FERMT2: variants seen among roughly 807,000 people sequenced by gnomAD.
FERMT2 encodes the protein FERM domain containing kindlin 2.
FERMT2 carries 15 observed loss-of-function variants against 82.7 expected under a neutral mutation model. The observed-to-expected ratio is 0.18, with a 90% CI of 0.12 to 0.28. FERMT2 has a LOEUF of 0.28. Among genes scored for constraint, FERMT2 ranks in the 10% least tolerant of loss-of-function variants. The pLI, the probability that FERMT2 is intolerant of heterozygous loss-of-function variation, is 1.00. For missense variants in FERMT2, 645 were observed against 809.4 expected (o/e 0.80, Z 2.46); for synonymous variants, 274 against 271.5 (o/e 1.01, Z -0.09).
Position 52,940,337 on chromosome 14 carries a change from G to T in FERMT2, c.157+10075C>A, listed in dbSNP as rs549448745. On this transcript the variant is annotated intron_variant, in intron 2 of 14. Coordinates refer to ENST00000341590, the MANE Select transcript of FERMT2 (RefSeq NM_006832.3). ...GCTTATCTCTTTTTCTCATATACACGAATTCACTTCCAAGCAGCATTAATG... is the reference window on the plus strand; with the variant it reads ...GCTTATCTCTTTTTCTCATATACACTAATTCACTTCCAAGCAGCATTAATG... 5.9e-5 allele frequency among the ~76,000 whole-genome samples: 9 copies of T among 152,138 alleles called. No homozygotes were observed. The East Asian group carries it at 1.5e-3, about 26-fold the overall frequency.
intron 7 of FERMT2, among the ~76,000 whole-genome samples, chr14:52,876,391 G>A (rs961452079): frequency 1.3e-5 from 2 of 152,184 alleles, no homozygotes; most frequent in Non-Finnish European, 2.9e-5. Flanking sequence ...AGAGTCTGGT[G>A]AAGAATTGGT....
intron 6 of FERMT2, among the ~76,000 whole-genome samples, chr14:52,880,401 T>A (rs931643573): frequency 6.6e-6 from 1 of 152,092 alleles, no homozygotes; most frequent in African/African-American, 2.4e-5. Flanking sequence ...TTGCCAATTC[T>A]TTTTTTTGTT....
chr14:52,890,122 A>G (rs942692308), intron 4 of FERMT2, among the ~76,000 whole-genome samples: 3 of 150,462 alleles, frequency 2.0e-5, no homozygotes, highest in African/African-American at 7.3e-5. Context: ...TGTGTCTCAA[A>G]AAAAAAAAAA....
At chr14:52,913,892 G>A (rs1299570112) in intron 3 of FERMT2, among the ~76,000 whole-genome samples, 2 of 152,110 alleles carry the variant, frequency 1.3e-5, no homozygotes, top group Non-Finnish European at 2.9e-5. Context: ...CAGGATGCCA[G>A]TGAAGATAGG....
At chr14:52,922,932 G>A (rs1889043788) in intron 2 of FERMT2, among the ~76,000 whole-genome samples, 1 of 152,130 alleles carries the variant, frequency 6.6e-6, no homozygotes, top group South Asian at 2.1e-4. Flanking sequence ...ACATCAACGA[G>A]CGTATTCACA....
chr14:52,877,041 A>T (rs913031315), intron 7 of FERMT2, among the ~76,000 whole-genome samples: 115 of 152,280 alleles, frequency 7.6e-4, no homozygotes, highest in African/African-American at 2.6e-3. Context: ...AATGCCCAAG[A>T]TACACTCGGG....
intron 10 of FERMT2, among the ~76,000 whole-genome samples, chr14:52,869,207 G>A (rs1273629198): frequency 6.6e-6 from 1 of 152,152 alleles, no homozygotes; most frequent in Non-Finnish European, 1.5e-5. Context: ...TGAAACGCCC[G>A]TGACTGAGAG....
chr14:52,912,059 A>G (rs1888345272), intron 3 of FERMT2, among the ~76,000 whole-genome samples: 1 of 149,796 alleles, frequency 6.7e-6, no homozygotes. Context: ...GCTATCAGAT[A>G]CCCCCCTTCC....
At chr14:52,927,601 A>AAAAAAAAAAAAAAAAAAAAAAAC in intron 2 of FERMT2, among the ~76,000 whole-genome samples, 1 of 145,962 alleles carries the variant, frequency 6.9e-6, no homozygotes, top group African/African-American at 2.5e-5. Flanking sequence ...ATAAAAAAAA[A>AAAAAAAAAAAAAAAAAAAAAAAC]AAAAAAAAAA....
At position 52,893,341 on chromosome 14, in the gene FERMT2, C is replaced by A; in HGVS notation, c.478G>T (p.Glu160Ter). ...KKKKKLDDQS[E>*]DEALELEGPL... ...CCCTCTAATTCAAGTGCCTCATCTT[C>A]AGACTGGTCATCTAGCTTCTTCTTT... Residue 160 changes from glutamate (E) to a stop codon, truncating the protein, a stop_gained, in exon 4 of 15, where the codon GAA becomes TAA. Coordinates refer to ENST00000341590, the MANE Select transcript of FERMT2 (RefSeq NM_006832.3). LOFTEE classifies it high-confidence loss of function. The A allele has an allele frequency of 6.2e-7, 1 of 1,613,054 alleles. No individual in the cohort carries two copies. Among genetic ancestry groups the A allele is most frequent in the Non-Finnish European group, 8.5e-7 (1 of 1,179,682 alleles).
At chr14:52,939,281 T>C (rs117871215) in intron 2 of FERMT2, among the ~76,000 whole-genome samples, 1,697 of 145,478 alleles carry the variant, frequency 0.012, 47 homozygotes, top group East Asian at 0.075. Context: ...GCTGGGGCAC[T>C]AGAATCGCTT....
At chr14:52,942,238 A>T (rs75265722) in intron 2 of FERMT2, among the ~76,000 whole-genome samples, 6,001 of 151,954 alleles carry the variant, frequency 0.039, 183 homozygotes, top group South Asian at 0.1. Context: ...ATATACATGT[A>T]GTATCAATAT....
chr14:52,914,499 C>T (rs184074995), intron 3 of FERMT2, among the ~76,000 whole-genome samples: 2 of 152,186 alleles, frequency 1.3e-5, no homozygotes, highest in East Asian at 1.9e-4. Flanking sequence ...TCATCATTAC[C>T]GCTATTATGC....
Position 52,893,390 on chromosome 14 carries a change from TTTC to T in FERMT2, c.426_428del (p.Lys143del), listed in dbSNP as rs1253219561. 1 of 1,611,668 alleles carries T rather than the reference TTTC, an allele frequency of 6.2e-7. No individual in the cohort carries two copies. The stretch of plus-strand genomic sequence containing the variant: ...TTTTTTTCTTTGTTGGATCTCTGGG[TTTC>T]TTTAAGAGAGAAAGTTCTTCGGGGT... On this transcript the variant is annotated inframe_deletion, in exon 4 of 15. Coordinates refer to ENST00000341590, the MANE Select transcript of FERMT2 (RefSeq NM_006832.3).
chr14:52,926,536 T>C (rs967393092), intron 2 of FERMT2, among the ~76,000 whole-genome samples: 1 of 152,036 alleles, frequency 6.6e-6, no homozygotes. Flanking sequence ...ATTCAAGGCA[T>C]AGACTACGCT....
At chr14:52,870,240 C>A (rs942114509) in intron 10 of FERMT2, among the ~76,000 whole-genome samples, 42 of 150,846 alleles carry the variant, frequency 2.8e-4, no homozygotes, top group Non-Finnish European at 1.6e-4. Flanking sequence ...CTGCTCTATA[C>A]AAGTGTACTT....
chr14:52,875,383 A>C, intron 7 of FERMT2, 26 bp from the exon 8 acceptor site: 1 of 1,499,928 alleles, frequency 6.7e-7, no homozygotes, highest in Non-Finnish European at 9.2e-7. Flanking sequence ...TTTTATTAAA[A>C]TAATTGCTAT....
At chr14:52,926,272 T>TA (rs1889265845) in intron 2 of FERMT2, among the ~76,000 whole-genome samples, 3 of 152,234 alleles carry the variant, frequency 2.0e-5, no homozygotes, top group Non-Finnish European at 4.4e-5. Flanking sequence ...TGAATTTGCA[T>TA]AAACTAAAGC....
intron 3 of FERMT2, among the ~76,000 whole-genome samples, chr14:52,913,268 T>C (rs1888426816): frequency 6.6e-6 from 1 of 152,230 alleles, no homozygotes; most frequent in Admixed American, 6.5e-5. Context: ...AGTATCTTTT[T>C]GTAACCTAAA....
Sources: gnomAD v4.1 joint callset for allele counts (sites outside exome capture counted in the v4.1 genomes callset) on GRCh38, gnomAD v4.1.1 for gene constraint, MANE v1.5 for transcripts, NCBI Gene and HGNC (gene_info 2026-07-23, HGNC 2026-07-21) for gene names.